ATP10A: variants seen among roughly 807,000 people sequenced by gnomAD.
ATP10A encodes the protein ATPase phospholipid transporting 10A (putative), also known as phospholipid-transporting ATPase VA.
In ATP10A, 111 loss-of-function variants were observed where a neutral mutation model predicts 147.8. The ratio of observed to expected loss-of-function variants is 0.75; its 90% confidence interval spans 0.64 to 0.88. ATP10A has a LOEUF of 0.88. Among genes scored for constraint, ATP10A ranks in the 40% least tolerant of loss-of-function variants. The probability of loss-of-function intolerance (pLI) is 0.00; values close to 1 mark genes in which losing one functional copy is unlikely to be tolerated. For synonymous variants in ATP10A, 875 were observed against 841.6 expected (o/e 1.04, Z -0.69); for missense variants, 1,927 against 1,959.0 (o/e 0.98, Z 0.31).
chr15:25,751,463 C>T (rs12443451), intron 2 of ATP10A, among the ~76,000 whole-genome samples: 5,360 of 152,112 alleles, frequency 0.035, 362 homozygotes, highest in Admixed American at 0.17. Flanking sequence ...GCAGAATGCA[C>T]GTTATTCTCA....
At chr15:25,673,249 C>CG (rs1457907730), downstream of ATP10A, among the ~76,000 whole-genome samples, 5 of 152,154 alleles carry the variant, frequency 3.3e-5, no homozygotes, top group African/African-American at 1.2e-4. Context: ...CTGGACTCCC[C>CG]CTATGCGCTG....
At chr15:25,825,246 A>G (rs993842658) in intron 1 of ATP10A, among the ~76,000 whole-genome samples, 3 of 152,182 alleles carry the variant, frequency 2.0e-5, no homozygotes, top group African/African-American at 7.2e-5. Context: ...TGTTTAGAAC[A>G]TCTGAGATGG....
At chr15:25,766,043 G>A (rs190885582) in intron 2 of ATP10A, among the ~76,000 whole-genome samples, 1 of 152,326 alleles carries the variant, frequency 6.6e-6, no homozygotes, top group Admixed American at 6.5e-5. Flanking sequence ...ACATAGCTGG[G>A]GAGGCTTCAG....
At chr15:25,842,339 G>A (rs1222331975) in intron 1 of ATP10A, among the ~76,000 whole-genome samples, 3 of 152,102 alleles carry the variant, frequency 2.0e-5, no homozygotes. Context: ...AGAAGTCCAG[G>A]GTCTCATGGT....
chr15:25,752,275 G>C (rs921687809), intron 2 of ATP10A, among the ~76,000 whole-genome samples: 1 of 152,070 alleles, frequency 6.6e-6, no homozygotes, highest in Admixed American at 6.6e-5. Flanking sequence ...ACAGATGAAT[G>C]AAGAAAATGT....
chr15:25,762,924 T>C (rs1888834522), intron 2 of ATP10A, among the ~76,000 whole-genome samples: 1 of 152,200 alleles, frequency 6.6e-6, no homozygotes, highest in Non-Finnish European at 1.5e-5. Context: ...CAGACCTCAA[T>C]AAGGCTGTTT....
At chr15:25,726,981 C>T (rs1239044121) in intron 4 of ATP10A, among the ~76,000 whole-genome samples, 179 bp downstream of exon 4, 1 of 148,678 alleles carries the variant, frequency 6.7e-6, no homozygotes, top group African/African-American at 2.5e-5. Flanking sequence ...GGCGTGAACC[C>T]GGAAGGCGGA....
At chr15:25,785,209 C>T (rs572661430) in intron 1 of ATP10A, among the ~76,000 whole-genome samples, 9 of 152,202 alleles carry the variant, frequency 5.9e-5, no homozygotes, top group East Asian at 1.9e-4. Flanking sequence ...CTGTGTCCCC[C>T]GAGAGACTAT....
chr15:25,779,509 T>TG (rs1889789649), intron 2 of ATP10A, among the ~76,000 whole-genome samples: 2 of 145,688 alleles, frequency 1.4e-5, no homozygotes, highest in South Asian at 4.4e-4. Flanking sequence ...GGGCCAGGCC[T>TG]AGGGGAGAAG....
chr15:25,759,303 T>C lies in ATP10A; in HGVS notation c.654+21716A>G, dbSNP rs573969654. On this transcript the variant is annotated intron_variant, in intron 2 of 20. Transcript: ENST00000555815. The stretch of plus-strand genomic sequence containing the variant: ...AATTTTTATCCTCAGGTAGAAGGCA[T>C]AGGACAAAATGGAAGGTTTAAGCAA... Among the ~76,000 whole-genome samples the C allele has an allele frequency of 3.3e-4, 51 of 152,288 alleles. No homozygotes were observed. In the South Asian group the frequency reaches 0.01, roughly 30 times the overall value.
At chr15:25,715,921 C>G (rs1041585351) in intron 9 of ATP10A, among the ~76,000 whole-genome samples, 3 of 152,174 alleles carry the variant, frequency 2.0e-5, no homozygotes, top group Non-Finnish European at 2.9e-5. Context: ...ATGCATATCA[C>G]GCTTCCGTGC....
intron 2 of ATP10A, among the ~76,000 whole-genome samples, chr15:25,767,018 A>G (rs1889060849): frequency 6.6e-6 from 1 of 152,082 alleles, no homozygotes; most frequent in Non-Finnish European, 1.5e-5. Flanking sequence ...TGGCATCAGC[A>G]ATTTCTTTGA....
chr15:25,740,994 G>A (rs764687797), intron 2 of ATP10A, among the ~76,000 whole-genome samples: 3 of 152,206 alleles, frequency 2.0e-5, no homozygotes, highest in East Asian at 1.9e-4. Flanking sequence ...AGCATCAGGC[G>A]AAGTGCCCTT....
intron 1 of ATP10A, among the ~76,000 whole-genome samples, chr15:25,835,581 A>G (rs1276146273): frequency 6.6e-6 from 1 of 152,142 alleles, no homozygotes; most frequent in Non-Finnish European, 1.5e-5. Context: ...AAGGCCGGCC[A>G]TAGGAAACTT....
chr15:25,826,937 T>C (rs1459068484), intron 1 of ATP10A, among the ~76,000 whole-genome samples: 1 of 152,238 alleles, frequency 6.6e-6, no homozygotes, highest in African/African-American at 2.4e-5. Flanking sequence ...TCTAAACTTA[T>C]ACACATCATA....
In ATP10A at chr15:25,721,791, C is replaced by T; in HGVS notation, c.1229G>A (p.Arg410Gln). Reference protein sequence around the residue: ...DEETDSQLQCRALNITEDLGQ... With the variant: ...DEETDSQLQCQALNITEDLGQ... ...TAAGTCTTCCGTGATGTTCAGAGCT[C>T]GGCACTGCAGCTGCGAGTCTGTTTC... Residue 410 changes from arginine (R) to glutamine (Q), a missense_variant, in exon 7 of 21, where the codon CGA (arginine) becomes CAA (glutamine). Arg to Gln is a conservative substitution (Grantham distance 43, BLOSUM62 1). Coordinates refer to ENST00000555815, the MANE Select transcript of ATP10A (RefSeq NM_024490.4). 5 of 1,614,114 alleles carry T rather than the reference C, an allele frequency of 3.1e-6. No individual in the cohort carries two copies. The highest frequency in any genetic ancestry group is 2.2e-5 in the East Asian group (1 of 44,884).
intron 1 of ATP10A, among the ~76,000 whole-genome samples, chr15:25,806,194 A>AGCAAGAT (rs1187088223): frequency 1.3e-5 from 2 of 152,200 alleles, no homozygotes; most frequent in Admixed American, 1.3e-4. Context: ...ACCCTGAGGC[A>AGCAAGAT]GCAAGATGCC....
intron 3 of ATP10A, among the ~76,000 whole-genome samples, chr15:25,728,875 C>T (rs992690803): frequency 3.3e-5 from 5 of 152,112 alleles, no homozygotes; most frequent in African/African-American, 4.8e-5. Flanking sequence ...GGGTTGGGAA[C>T]GTACTCCTGC....
chr15:25,851,520 G>A (rs901999319), intron 1 of ATP10A, among the ~76,000 whole-genome samples: 2 of 151,866 alleles, frequency 1.3e-5, no homozygotes, highest in African/African-American at 2.4e-5. Flanking sequence ...TACAATATAC[G>A]CCACATTGCC....
Sources: gnomAD v4.1 joint callset for allele counts (sites outside exome capture counted in the v4.1 genomes callset) on GRCh38, gnomAD v4.1.1 for gene constraint, MANE v1.5 for transcripts, NCBI Gene and HGNC (gene_info 2026-07-23, HGNC 2026-07-21) for gene names.